The following RAB33A variants were observed in gnomAD, a reference collection of about 807,000 sequenced individuals.
RAB33A encodes the protein RAB33A, member RAS oncogene family.
In RAB33A, 6 loss-of-function variants were observed where a neutral mutation model predicts 12.0. The ratio of observed to expected loss-of-function variants is 0.50; its 90% CI spans 0.27 to 0.99. The LOEUF is 0.99. RAB33A is among the 50% of genes least tolerant of loss of function. The probability of loss-of-function intolerance (pLI) is 0.11; values close to 1 mark genes in which losing one functional copy is unlikely to be tolerated. For synonymous variants in RAB33A, 70 were observed against 82.4 expected, an observed-to-expected ratio of 0.85 and a Z score of 0.81; for missense variants, 109 against 192.0, an observed-to-expected ratio of 0.57 and a Z score of 2.55.
At chrX:130,137,062 G>C in the RAB33A span, 24 of 1,209,353 alleles carry the variant, frequency 2.0e-5, no homozygotes, top group Non-Finnish European at 2.7e-5. Context: ...GCAGCATATA[G>C]AAACAGTCTC....
chrX:130,184,617 C>T lies in RAB33A; in HGVS notation c.591C>T (p.Cys197=), dbSNP rs751056959. The T allele has an allele frequency of 8.3e-7, 1 of 1,211,564 alleles. No homozygotes were observed. Among genetic ancestry groups the T allele is most frequent in the African/African-American group, 1.7e-5 (1 of 57,764 alleles). The part of the protein sequence containing the change: ...ESQNVESIFM[C]LACRLKAQKS... ...AGAACGTGGAGTCGATTTTCATGTG[C>T]TTGGCTTGCCGATTGAAGGCCCAGA... Residue 197 remains cysteine (C), a synonymous_variant, in exon 2 of 2, where the codon TGC becomes TGT. Coordinates refer to ENST00000257017, the MANE Select transcript of RAB33A (RefSeq NM_004794.3).
the RAB33A span, among the ~76,000 whole-genome samples, chrX:130,146,451 ATGTGTGTGTGTGTGTGTGTG>A: frequency 1.1e-5 from 1 of 89,434 alleles, no homozygotes; most frequent in Admixed American, 1.3e-4. Context: ...CTCTCAAAAT[ATGTGTGTGTGTGTGTGTGTG>A]TGTGTGTGTG....
chrX:130,138,357 C>T, the RAB33A span, among the ~76,000 whole-genome samples: 7 of 110,668 alleles, frequency 6.3e-5, no homozygotes, highest in African/African-American at 6.6e-5. Flanking sequence ...CCCAGCTACT[C>T]GGGAGGCTGA....
At chrX:130,153,052 G>C in the RAB33A span, among the ~76,000 whole-genome samples, 138 of 110,017 alleles carry the variant, frequency 1.3e-3, 1 homozygote, top group South Asian at 0.013. Context: ...GACAGTTTAG[G>C]CTGGGCACGG....
At chrX:130,130,933 G>C in the RAB33A span, among the ~76,000 whole-genome samples, 8 of 112,227 alleles carry the variant, frequency 7.1e-5, no homozygotes, top group African/African-American at 2.6e-4. Context: ...TCAGAATTAA[G>C]GAATATGGAA....
the RAB33A span, among the ~76,000 whole-genome samples, chrX:130,125,740 G>A: frequency 9.0e-6 from 1 of 111,474 alleles, no homozygotes; most frequent in Non-Finnish European, 1.9e-5. Flanking sequence ...GGTCACTGTG[G>A]AGTCCCACCC....
At chrX:130,112,289 C>G in the RAB33A span, among the ~76,000 whole-genome samples, 1 of 95,335 alleles carries the variant, frequency 1.0e-5, no homozygotes, top group African/African-American at 3.9e-5. Flanking sequence ...TGGAGACACA[C>G]AGTTCTCTGC....
At chrX:130,168,575 A>G (rs1335114295), upstream of RAB33A, among the ~76,000 whole-genome samples, 1 of 109,511 alleles carries the variant, frequency 9.1e-6, no homozygotes, top group Non-Finnish European at 1.9e-5. Context: ...GGTTTTCTTT[A>G]AGAGACAGTC....
chrX:130,159,187 G>T, the RAB33A span, among the ~76,000 whole-genome samples: 1 of 111,565 alleles, frequency 9.0e-6, no homozygotes, highest in African/African-American at 3.3e-5. Flanking sequence ...GGTTTTACTG[G>T]CAAATGAGTT....
At chrX:130,142,210 C>T in the RAB33A span, among the ~76,000 whole-genome samples, 9 of 111,750 alleles carry the variant, frequency 8.1e-5, no homozygotes, top group East Asian at 2.0e-3. Flanking sequence ...GTGCAGGTAG[C>T]GCTGGGAACA....
chrX:130,177,799 TATACCCC>T (rs2031678158), intron 1 of RAB33A, among the ~76,000 whole-genome samples: 1 of 111,602 alleles, frequency 9.0e-6, no homozygotes, highest in Non-Finnish European at 1.9e-5. Flanking sequence ...TTGACTCCAC[TATACCCC>T]ATTGGCCATC....
the RAB33A span, among the ~76,000 whole-genome samples, chrX:130,162,383 T>G: frequency 8.9e-6 from 1 of 111,826 alleles, no homozygotes; most frequent in African/African-American, 3.3e-5. Context: ...AAATACAGAT[T>G]CCCAGAATTA....
the RAB33A span, among the ~76,000 whole-genome samples, chrX:130,120,135 G>T: frequency 8.9e-6 from 1 of 112,493 alleles, no homozygotes; most frequent in Non-Finnish European, 1.9e-5. Context: ...CTCAGGGCCT[G>T]CAAGGAGTTA....
At chrX:130,155,375 G>A in the RAB33A span, 3 of 1,098,780 alleles carry the variant, frequency 2.7e-6, no homozygotes, top group African/African-American at 5.5e-5. Flanking sequence ...AGGCAGAGAA[G>A]CAGTTTTGGT....
the RAB33A span, among the ~76,000 whole-genome samples, chrX:130,139,551 A>C: frequency 9.0e-6 from 1 of 111,472 alleles, no homozygotes; most frequent in Admixed American, 9.6e-5. Context: ...ATGGAAGAGC[A>C]ATCAGAAGGA....
chrX:130,182,157 A>AAAAATAT (rs1384841230), intron 1 of RAB33A, among the ~76,000 whole-genome samples: 1 of 44,640 alleles, frequency 2.2e-5, no homozygotes, highest in Non-Finnish European at 3.3e-5. Context: ...AAAAAAAAAA[A>AAAAATAT]ATATATATAT....
chrX:130,133,187 G>A, the RAB33A span: 9 of 893,121 alleles, frequency 1.0e-5, no homozygotes, highest in Non-Finnish European at 1.5e-5. Context: ...GTGGACATAA[G>A]ATGGACTTTT....
At chrX:130,163,557 G>A in the RAB33A span, among the ~76,000 whole-genome samples, 1 of 111,639 alleles carries the variant, frequency 9.0e-6, no homozygotes, top group Admixed American at 9.5e-5. Flanking sequence ...ATACTTTGGT[G>A]CACGGCCAAA....
chrX:130,149,991 C>G, the RAB33A span, among the ~76,000 whole-genome samples: 4 of 112,020 alleles, frequency 3.6e-5, no homozygotes, highest in African/African-American at 9.7e-5. Context: ...GGGTAGGAAG[C>G]TGGGACATAA....
Sources: allele counts gnomAD v4.1 joint callset (sites outside exome capture counted in the v4.1 genomes callset), GRCh38; gene constraint gnomAD v4.1.1; transcripts MANE v1.5; gene names NCBI Gene and HGNC (gene_info 2026-07-23, HGNC 2026-07-21).